The following FBXO24 variants were observed in gnomAD, a reference collection of about 807,000 sequenced individuals.
The protein encoded by FBXO24 is F-box only protein 24.
Under a neutral mutation model 63.5 loss-of-function variants are expected in FBXO24, and 30 were observed. The observed-to-expected ratio is 0.47, with a 90% CI of 0.35 to 0.64. FBXO24 has a LOEUF of 0.64. Ranked by LOEUF, FBXO24 falls within the 30% of genes least tolerant of loss-of-function variation. The pLI is 0.00. For missense variants in FBXO24, 624 were observed against 763.4 expected, an observed-to-expected ratio of 0.82 and a Z score of 2.15; for synonymous variants, 300 against 305.0, an observed-to-expected ratio of 0.98 and a Z score of 0.17.
intron 8 of FBXO24, among the ~76,000 whole-genome samples, chr7:100,597,363 G>A (rs1401347641): frequency 6.6e-6 from 1 of 152,088 alleles, no homozygotes. Context: ...AGACTTTTAT[G>A]AAATGGTTTA....
intron 8 of FBXO24, among the ~76,000 whole-genome samples, chr7:100,598,609 G>A (rs1000931548): frequency 2.6e-5 from 4 of 152,180 alleles, no homozygotes; most frequent in Non-Finnish European, 4.4e-5. Context: ...GGCAGGAAGC[G>A]GCAGGAAGCA....
rs115771543 is a variant in FBXO24, at chr7:100,586,837, G to T, written c.39+173G>T. The stretch of plus-strand genomic sequence containing the variant: ...GCTTGAGGCCAGTGCACTGGCGGTT[G>T]TCGCAGCTGAAGGGGCAGCGGGGGG... On this transcript the variant is annotated intron_variant, in intron 1 of 9. Transcript: ENST00000241071. The T allele has an allele frequency of 4.8e-3, 3,467 of 722,086 alleles. 89 individuals are homozygous for T. The African/African-American group carries it at 0.055, about 11-fold the overall frequency. 44.7% of individuals were successfully genotyped at this position (722,086 alleles called of 1,614,324 possible). A position where few individuals can be genotyped will look rare whatever the true frequency, so the allele number is the denominator to read the frequency against.
Position 100,600,614 on chromosome 7 carries a change from C to A in FBXO24, c.1458C>A (p.Ala486=). The A allele has an allele frequency of 6.2e-7, 1 of 1,613,504 alleles. No individual in the cohort carries two copies. Among genetic ancestry groups the A allele is most frequent in the South Asian group, 1.1e-5 (1 of 91,034 alleles). Residue 486 remains alanine (A), a synonymous_variant, in exon 10 of 10, where the codon GCC becomes GCA. Transcript: ENST00000241071. This position sits in a 1 kb window ranked among gnomAD's most constrained non-coding sequence, Gnocchi z 6.3. ...CCAGCCACGACATTGAGCAGCACGC[C>A]CCCTATCGCCACCTGCCAGCCAGCA... is the stretch of plus-strand genomic sequence containing the variant. ...ILSSHDIEQH[A]PYRHLPASRV...
intron 1 of FBXO24, chr7:100,589,668 G>T: frequency 1.3e-6 from 2 of 1,511,508 alleles, no homozygotes; most frequent in Non-Finnish European, 1.8e-6. Flanking sequence ...GCAGGAACGG[G>T]GGGGCCAAGG....
chr7:100,589,596 G>A, intron 1 of FBXO24: 1 of 1,448,228 alleles, frequency 6.9e-7, no homozygotes, highest in African/African-American at 1.4e-5. Context: ...GAGGGGCCTA[G>A]GAGGCAGAGG....
chr7:100,586,709 C>T (rs1801772895), intron 1 of FBXO24, 45 bp downstream of exon 1: 4 of 1,609,662 alleles, frequency 2.5e-6, no homozygotes, highest in Non-Finnish European at 3.4e-6. Flanking sequence ...AACGCGGAGC[C>T]CCTGGCCGGC....
Position 100,600,496 on chromosome 7 carries a change from C to T in FBXO24, c.1378-38C>T. On this transcript the variant is annotated intron_variant, in intron 9 of 9. Coordinates refer to ENST00000241071, the MANE Select transcript of FBXO24 (RefSeq NM_033506.3). The surrounding 1 kb of genome is among the most constrained non-coding windows in gnomAD (Gnocchi z 6.3). ...ACCCTGGGAAACCCTGCAAGGAAAG[C>T]ACCACTCAGCCATGCCCCCTTTCTC... is the stretch of plus-strand genomic sequence containing the variant. 6.6e-7 allele frequency: 1 copy of T among 1,523,110 alleles called. No individual in the cohort carries two copies. Among genetic ancestry groups the T allele is most frequent in the Non-Finnish European group, 8.8e-7 (1 of 1,136,880 alleles). 94.3% of individuals were successfully genotyped at this position (1,523,110 alleles called of 1,614,324 possible). A position where few individuals can be genotyped will look rare whatever the true frequency, so the allele number is the denominator to read the frequency against.
Position 100,595,125 on chromosome 7 carries a change from G to A in FBXO24, c.976G>A (p.Val326Met). 1 of 1,614,024 alleles carries A rather than the reference G, an allele frequency of 6.2e-7. No homozygotes were observed. The highest frequency in any genetic ancestry group is 8.5e-7 in the Non-Finnish European group (1 of 1,179,968). ...VTDQGGVYFEVHTPGVYRDLF... is the reference protein window; with the variant it reads ...VTDQGGVYFEMHTPGVYRDLF... ...AGACCAGGGGGGAGTGTATTTTGAG[G>A]TGCATACCCCAGGGGTGTATCGCGA... The change falls in exon 7 of 10, where the codon GTG becomes ATG. Residue 326 changes from valine (V) to methionine (M), a missense_variant. Physicochemically the swap from Val to Met is conservative, Grantham distance 21. This residue lies in a region of FBXO24 where 391 missense variants were observed against 469.1 expected (regional missense o/e 0.83). Coordinates refer to ENST00000241071, the MANE Select transcript of FBXO24 (RefSeq NM_033506.3).
chr7:100,586,708 C>A (rs375799189), intron 1 of FBXO24, 44 bp downstream of exon 1: 4 of 1,610,082 alleles, frequency 2.5e-6, no homozygotes, highest in Non-Finnish European at 1.7e-6. Context: ...GAACGCGGAG[C>A]CCCTGGCCGG....
At position 100,590,286 on chromosome 7, in the gene FBXO24, G is replaced by A. The variant is rs1186490992; in HGVS notation, c.251G>A (p.Arg84His). 9.3e-6 allele frequency: 15 copies of A among 1,614,022 alleles called. No individual in the cohort carries two copies. Among genetic ancestry groups the A allele is most frequent in the African/African-American group, 1.3e-5 (1 of 74,918 alleles). ...DGEGVWRRIC[R>H]RLSPRLQDQG... ...GAAGGCGTGTGGAGACGCATCTGTC[G>A]CAGACTCAGTCCGCGCCTCCAAGAT... The change falls in exon 3 of 10, where the codon CGC becomes CAC. Residue 84 changes from arginine to histidine, a missense_variant. Arg to His is a conservative substitution (Grantham distance 29). This residue lies in a region of FBXO24 where 391 missense variants were observed against 469.1 expected (regional missense o/e 0.83). Transcript: ENST00000241071.
At chr7:100,592,620 G>A (rs917924102) in intron 4 of FBXO24, among the ~76,000 whole-genome samples, 163 bp from the exon 5 acceptor site, 5 of 152,076 alleles carry the variant, frequency 3.3e-5, no homozygotes, top group African/African-American at 7.2e-5. Flanking sequence ...GTCTTGAGGT[G>A]TCTTTCCTAT....
rs749207618 is a variant in FBXO24, at chr7:100,600,547, C to T, written c.1391C>T (p.Ala464Val). Reference protein sequence around the residue: ...VKLQVKVPLCACALCATRECL... With the variant: ...VKLQVKVPLCVCALCATRECL... ...TCCTCCTCCAAGGTCCCTCTGTGTG[C>T]CTGTGCCCTCTGTGCCACCAGGGAG... is the stretch of plus-strand genomic sequence containing the variant. The change falls in exon 10 of 10, where the codon GCC becomes GTC. Residue 464 changes from alanine (A) to valine (V), a missense_variant. By Grantham distance (64) the Ala-to-Val change is moderately conservative. Transcript: ENST00000241071. This position sits in a 1 kb window ranked among gnomAD's most constrained non-coding sequence, Gnocchi z 6.3. 1.7e-5 allele frequency: 27 copies of T among 1,567,774 alleles called. No homozygotes were observed. The highest frequency in any genetic ancestry group is 2.3e-5 in the Non-Finnish European group (26 of 1,154,606).
chr7:100,596,634 T>TTA (rs1452902298), intron 8 of FBXO24, among the ~76,000 whole-genome samples: 2 of 151,896 alleles, frequency 1.3e-5, no homozygotes, highest in Non-Finnish European at 2.9e-5. Context: ...TGACAGCACT[T>TTA]GAGACAAGCG....
At chr7:100,592,463 C>T (rs2131266511) in intron 4 of FBXO24, among the ~76,000 whole-genome samples, 1 of 152,210 alleles carries the variant, frequency 6.6e-6, no homozygotes, top group South Asian at 2.1e-4. Flanking sequence ...CTCGTGAGAA[C>T]CCACTATCAC....
In FBXO24 at chr7:100,601,079, A is replaced by G. The variant is rs1802587059; in HGVS notation, c.*180A>G. The G allele has an allele frequency of 5.4e-6, 4 of 743,100 alleles. No homozygotes were observed. In the Admixed American group the frequency reaches 1.2e-4, roughly 23 times the overall value. 46.0% of individuals were successfully genotyped at this position (743,100 alleles called of 1,614,324 possible). The stretch of plus-strand genomic sequence containing the variant: ...GGGGCCCCCAACCTGACTATCATGG[A>G]CAAGAGATTTGATGGATAGAATAAA... On this transcript the variant is annotated 3_prime_UTR_variant, in exon 10 of 10. Coordinates refer to ENST00000241071, the MANE Select transcript of FBXO24 (RefSeq NM_033506.3).
chr7:100,600,515 C>G lies in FBXO24; in HGVS notation c.1378-19C>G. 1 of 1,532,314 alleles carries G rather than the reference C, an allele frequency of 6.5e-7. No homozygotes were observed. The allele number at this position is 1,532,314 out of a possible 1,614,324, so 94.9% of individuals were successfully genotyped here. A position where few individuals can be genotyped will look rare whatever the true frequency, so the allele number is the denominator to read the frequency against. ...GGAAAGCACCACTCAGCCATGCCCC[C>G]TTTCTCTCCTCCTCCAAGGTCCCTC... is the stretch of plus-strand genomic sequence containing the variant. On this transcript the variant is annotated intron_variant, in intron 9 of 9. Coordinates refer to ENST00000241071, the MANE Select transcript of FBXO24 (RefSeq NM_033506.3). The surrounding 1 kb of genome is among the most constrained non-coding windows in gnomAD (Gnocchi z 6.3).
chr7:100,592,863 G>A lies in FBXO24; in HGVS notation c.639G>A (p.Val213=). The A allele has an allele frequency of 6.2e-7, 1 of 1,614,170 alleles. No homozygotes were observed. Among genetic ancestry groups the A allele is most frequent in the Non-Finnish European group, 8.5e-7 (1 of 1,180,032 alleles). ...CCACTCGGGAGCCGCAGGAAGTGGT[G>A]GGTACCACCAGCAGCCGGGCCTGTG... ...VLATREPQEV[V]GTTSSRACDC... The change falls in exon 5 of 10, where the codon GTG becomes GTA. Residue 213 remains valine (V), a synonymous_variant. Coordinates refer to ENST00000241071, the MANE Select transcript of FBXO24 (RefSeq NM_033506.3).
chr7:100,591,197 C>T (rs538750342), intron 3 of FBXO24, among the ~76,000 whole-genome samples: 85 of 151,984 alleles, frequency 5.6e-4, no homozygotes, highest in Non-Finnish European at 1.1e-3. Context: ...CCACCACACC[C>T]GGATAATTTT....
intron 4 of FBXO24, among the ~76,000 whole-genome samples, chr7:100,592,493 T>C (rs2734895): frequency 0.73 from 111,422 of 151,908 alleles, 41,616 homozygotes; most frequent in African/African-American, 0.87. Flanking sequence ...ATGGGGGAAA[T>C]TGCCCCCGTG....
Sources: gnomAD v4.1 joint callset for allele counts (sites outside exome capture counted in the v4.1 genomes callset) on GRCh38, gnomAD v4.1.1 for gene constraint, gnomAD v4.1.1 regional missense constraint, Gnocchi (gnomAD v3.1) non-coding constraint, MANE v1.5 for transcripts, NCBI Gene and HGNC (gene_info 2026-07-23, HGNC 2026-07-21) for gene names.